The following MED13L variants were observed in gnomAD, a reference collection of about 807,000 sequenced individuals.
MED13L encodes the protein mediator of RNA polymerase II transcription subunit 13-like.
In MED13L, 7 loss-of-function variants were observed where a neutral mutation model predicts 220.9. The observed-to-expected ratio is 0.03, with a 90% confidence interval of 0.02 to 0.06. The LOEUF (loss-of-function observed/expected upper bound fraction) is 0.06, where lower values mean the gene tolerates loss of function less well. MED13L is among the 10% of genes least tolerant of loss of function. MED13L has a pLI of 1.00. For synonymous variants in MED13L, 1,011 were observed against 1,015.2 expected, an observed-to-expected ratio of 1.00 and a Z score of 0.08; for missense variants, 1,965 against 2,760.5, an observed-to-expected ratio of 0.71 and a Z score of 6.46.
At chr12:116,240,662 A>G (rs921953952) in intron 1 of MED13L, among the ~76,000 whole-genome samples, 12 of 151,658 alleles carry the variant, frequency 7.9e-5, no homozygotes, top group African/African-American at 2.7e-4. Context: ...CCTCCCGAGT[A>G]GCTGGGACTG....
chr12:116,012,982 A>G (rs1879507059), intron 8 of MED13L, 81 bp from the exon 9 acceptor site: 2 of 987,260 alleles, frequency 2.0e-6, no homozygotes, highest in Non-Finnish European at 3.2e-6. Flanking sequence ...AGTTGAATAC[A>G]TTTCATTCAC....
intron 1 of MED13L, 41 bp downstream of exon 1, chr12:116,277,019 C>CA: frequency 3.8e-5 from 54 of 1,418,140 alleles, no homozygotes; most frequent in Non-Finnish European, 4.9e-5. Context: ...GACCCCCCCC[C>CA]TTCCCCGGCA....
chr12:116,171,036 T>C (rs899538641), intron 2 of MED13L, among the ~76,000 whole-genome samples: 1 of 152,266 alleles, frequency 6.6e-6, no homozygotes, highest in Non-Finnish European at 1.5e-5. Flanking sequence ...TTATCCCTAA[T>C]TGCTTTTGCA....
At chr12:116,273,571 G>A (rs548923520) in intron 1 of MED13L, among the ~76,000 whole-genome samples, 1 of 151,000 alleles carries the variant, frequency 6.6e-6, no homozygotes, top group African/African-American at 2.4e-5. Context: ...CAAAAAGAAA[G>A]TAGGTCAACA....
intron 16 of MED13L, among the ~76,000 whole-genome samples, 193 bp from the exon 17 acceptor site, chr12:115,992,150 GAAGA>G (rs1345203240): frequency 6.6e-6 from 1 of 151,036 alleles, no homozygotes; most frequent in African/African-American, 2.4e-5. Flanking sequence ...GTGTAGAGAA[GAAGA>G]AAGTAAGGTA....
At chr12:116,185,670 TTTCTTTTCTTTTCTTTTCTTTTCTTTTC>T (rs1269788592) in intron 2 of MED13L, among the ~76,000 whole-genome samples, 2 of 27,946 alleles carry the variant, frequency 7.2e-5, no homozygotes, top group African/African-American at 5.7e-4. Context: ...TTTCTTTTCT[TTTCTTTTCTTTTCTTTTCTTTTCTTTTC>T]TTTTCTTTTC....
At chr12:115,965,275 T>C (rs1160865590) in intron 29 of MED13L, among the ~76,000 whole-genome samples, 1 of 152,252 alleles carries the variant, frequency 6.6e-6, no homozygotes, top group Non-Finnish European at 1.5e-5. Context: ...ACTGTCTGGA[T>C]GCACCACAGT....
chr12:116,150,694 T>C (rs974297334), intron 2 of MED13L, among the ~76,000 whole-genome samples: 1 of 152,210 alleles, frequency 6.6e-6, no homozygotes, highest in Non-Finnish European at 1.5e-5. Context: ...ATTCTTATTA[T>C]TATCTGTTTG....
intron 2 of MED13L, among the ~76,000 whole-genome samples, chr12:116,159,524 A>G (rs1878699425): frequency 6.6e-6 from 1 of 152,180 alleles, no homozygotes. Flanking sequence ...ATCTTCTATA[A>G]TTCACTTTTT....
rs755606206 is a variant in MED13L, at chr12:116,002,957, T to A, written c.2569+46A>T. 42 of 1,407,468 alleles carry A rather than the reference T, an allele frequency of 3.0e-5. 1 individual carries two copies. Among genetic ancestry groups the A allele is most frequent in the Non-Finnish European group, 4.0e-5 (40 of 991,574 alleles). The allele number at this position is 1,407,468 out of a possible 1,614,324, so 87.2% of individuals were successfully genotyped here. ...TAAGTATGAGAATATTATATCTAAG[T>A]TACAGGCAGTGAGCCACAATGGCTC... is the stretch of plus-strand genomic sequence containing the variant. On this transcript the variant is annotated intron_variant, in intron 14 of 30. Coordinates refer to ENST00000281928, the MANE Select transcript of MED13L (RefSeq NM_015335.5).
At chr12:116,101,386 G>C (rs1211889532) in intron 3 of MED13L, among the ~76,000 whole-genome samples, 3 of 152,182 alleles carry the variant, frequency 2.0e-5, no homozygotes, top group Non-Finnish European at 4.4e-5. Flanking sequence ...AAATATATGA[G>C]AAATGAATGC....
At chr12:116,239,883 G>A (rs571372793) in intron 1 of MED13L, among the ~76,000 whole-genome samples, 119 of 152,234 alleles carry the variant, frequency 7.8e-4, no homozygotes, top group African/African-American at 2.7e-3. Context: ...ATCAGTATGC[G>A]GTATCACATC....
intron 2 of MED13L, among the ~76,000 whole-genome samples, chr12:116,136,027 C>T (rs1383401846): frequency 1.3e-5 from 2 of 151,928 alleles, no homozygotes; most frequent in African/African-American, 4.8e-5. Context: ...CTCAGCCTCC[C>T]GAGTAGCTGG....
intron 2 of MED13L, among the ~76,000 whole-genome samples, chr12:116,195,696 C>T (rs1881580319): frequency 6.6e-6 from 1 of 152,006 alleles, no homozygotes; most frequent in South Asian, 2.1e-4. Flanking sequence ...AGCGATCCAC[C>T]CACCTCAGCC....
intron 7 of MED13L, among the ~76,000 whole-genome samples, chr12:116,018,921 A>C (rs577879050): frequency 1.8e-4 from 27 of 151,368 alleles, no homozygotes; most frequent in South Asian, 1.3e-3. Context: ...ACAAAAAAAA[A>C]CCCTACATTT....
intron 2 of MED13L, among the ~76,000 whole-genome samples, chr12:116,209,487 A>G (rs1882561300): frequency 6.6e-6 from 1 of 152,110 alleles, no homozygotes; most frequent in Non-Finnish European, 1.5e-5. Context: ...ACACATTCTC[A>G]ATCTCTGGCC....
At chr12:116,205,407 A>G (rs1882247470) in intron 2 of MED13L, among the ~76,000 whole-genome samples, 1 of 151,650 alleles carries the variant, frequency 6.6e-6, no homozygotes, top group African/African-American at 2.4e-5. Flanking sequence ...CTTGGGACCA[A>G]AGACATAAGT....
chr12:116,023,980 G>A (rs1317927218), intron 4 of MED13L, among the ~76,000 whole-genome samples: 1 of 152,008 alleles, frequency 6.6e-6, no homozygotes, highest in Non-Finnish European at 1.5e-5. Flanking sequence ...CATTAAATAG[G>A]ACCAAAATAT....
At chr12:116,027,656 G>A (rs530799946) in intron 4 of MED13L, among the ~76,000 whole-genome samples, 8 of 152,196 alleles carry the variant, frequency 5.3e-5, no homozygotes, top group African/African-American at 1.4e-4. Flanking sequence ...AGAGAAATCC[G>A]CGGTGCTTCC....
Sources: allele counts gnomAD v4.1 joint callset (sites outside exome capture counted in the v4.1 genomes callset), GRCh38; gene constraint gnomAD v4.1.1; transcripts MANE v1.5; gene names NCBI Gene and HGNC (gene_info 2026-07-23, HGNC 2026-07-21).